The following WWC2 variants were observed in gnomAD, a reference collection of about 807,000 sequenced individuals.
The protein encoded by WWC2 is WW and C2 domain containing 2.
Under a neutral mutation model 138.5 loss-of-function variants are expected in WWC2, and 101 were observed. The ratio of observed to expected loss-of-function variants is 0.73; its 90% CI spans 0.62 to 0.86. The LOEUF (loss-of-function observed/expected upper bound fraction) is 0.86, where lower values mean the gene tolerates loss of function less well. WWC2 is among the 40% of genes least tolerant of loss of function. WWC2 has a pLI of 0.00. For synonymous variants in WWC2, 558 were observed against 538.4 expected (o/e 1.04, Z -0.50); for missense variants, 1,420 against 1,419.4 (o/e 1.00, Z -0.01).
At chr4:183,150,721 G>A (rs985445557) in intron 1 of WWC2, among the ~76,000 whole-genome samples, 2 of 151,758 alleles carry the variant, frequency 1.3e-5, no homozygotes, top group African/African-American at 4.8e-5. Context: ...GATGTTCCCT[G>A]CCCTGTGTCC....
intron 1 of WWC2, among the ~76,000 whole-genome samples, chr4:183,125,139 G>T (rs1421439430): frequency 6.6e-6 from 1 of 152,124 alleles, no homozygotes; most frequent in East Asian, 1.9e-4. Flanking sequence ...TGCCCGCAGT[G>T]CCTCAGGGAT....
At chr4:183,099,806 C>G (rs558274799) in intron 1 of WWC2, among the ~76,000 whole-genome samples, 184 bp downstream of exon 1, 4 of 151,936 alleles carry the variant, frequency 2.6e-5, no homozygotes, top group South Asian at 4.1e-4. Flanking sequence ...CTCCGCCCAC[C>G]GGCTTCCCGA....
intron 21 of WWC2, among the ~76,000 whole-genome samples, chr4:183,307,247 G>A (rs979488733): frequency 2.6e-5 from 4 of 152,180 alleles, no homozygotes; most frequent in African/African-American, 7.2e-5. Context: ...TGGGTCAAAG[G>A]AGAAATCTTA....
intron 4 of WWC2, among the ~76,000 whole-genome samples, chr4:183,216,336 G>A (rs1735753889): frequency 6.6e-6 from 1 of 152,196 alleles, no homozygotes; most frequent in African/African-American, 2.4e-5. Flanking sequence ...ATAAAATTGT[G>A]TGATTCAAGA....
intron 4 of WWC2, among the ~76,000 whole-genome samples, chr4:183,231,482 C>G (rs1440207876): frequency 2.0e-5 from 3 of 151,772 alleles, no homozygotes; most frequent in Non-Finnish European, 4.4e-5. Flanking sequence ...GTTGGCCAGG[C>G]TGATCTTGAA....
chr4:183,209,543 G>A (rs1278024137), intron 4 of WWC2, among the ~76,000 whole-genome samples: 1 of 152,102 alleles, frequency 6.6e-6, no homozygotes, highest in Admixed American at 6.6e-5. Context: ...GGCCTATTGG[G>A]CAGTTTTATT....
chr4:183,242,139 A>G (rs1432414535), intron 5 of WWC2, among the ~76,000 whole-genome samples: 1 of 152,176 alleles, frequency 6.6e-6, no homozygotes, highest in Non-Finnish European at 1.5e-5. Flanking sequence ...GTTTATCTTA[A>G]CTATAGACAA....
chr4:183,320,308 C>G lies in WWC2; in HGVS notation c.*4579C>G, dbSNP rs796505874. 1.6e-5 allele frequency: 19 copies of G among 1,205,046 alleles called. No individual in the cohort carries two copies. In the African/African-American group the frequency reaches 2.3e-4, roughly 15 times the overall value. 74.6% of individuals were successfully genotyped at this position (1,205,046 alleles called of 1,614,324 possible). On this transcript the variant is annotated 3_prime_UTR_variant, in exon 23 of 23. Transcript: ENST00000403733. ...GACACTTGTGTTATAACTTATGAAA[C>G]TCAGAAATATTTCTTCATTGTGTAT... is the stretch of plus-strand genomic sequence containing the variant.
chr4:183,280,243 T>TG (rs1560883824), intron 16 of WWC2, among the ~76,000 whole-genome samples: 2 of 148,238 alleles, frequency 1.3e-5, no homozygotes, highest in African/African-American at 5.0e-5. Context: ...TTTTTTTTTT[T>TG]TTTTTTTTTT....
At chr4:183,230,093 T>C (rs1560855123) in intron 4 of WWC2, among the ~76,000 whole-genome samples, 1 of 152,022 alleles carries the variant, frequency 6.6e-6, no homozygotes, top group African/African-American at 2.4e-5. Flanking sequence ...TCAAATTAAA[T>C]TGGGATTAGA....
At chr4:183,148,641 A>G (rs2111111016) in intron 1 of WWC2, among the ~76,000 whole-genome samples, 1 of 152,274 alleles carries the variant, frequency 6.6e-6, no homozygotes, top group South Asian at 2.1e-4. Flanking sequence ...GCTTCTTTCT[A>G]GATATCTTTG....
chr4:183,240,348 G>A (rs1483261790), intron 5 of WWC2, 86 bp downstream of exon 5: 7 of 1,070,242 alleles, frequency 6.5e-6, no homozygotes, highest in African/African-American at 6.5e-5. Flanking sequence ...GATTACATAA[G>A]CGATTTCTTA....
At chr4:183,125,225 T>A (rs1281487688) in intron 1 of WWC2, among the ~76,000 whole-genome samples, 1 of 152,190 alleles carries the variant, frequency 6.6e-6, no homozygotes, top group Non-Finnish European at 1.5e-5. Flanking sequence ...ACAGGTTCAA[T>A]TTGCAAGTGA....
At position 183,316,370 on chromosome 4, in the gene WWC2, AAATAAG is replaced by A. The variant is rs1337615816; in HGVS notation, c.*652_*657del. ...AACTACCAAGTGCTCTTAAGAATAA[AAATAAG>A]AATAAGAATACAAAGGAGCACTACT... On this transcript the variant is annotated 3_prime_UTR_variant, in exon 23 of 23. Coordinates refer to ENST00000403733, the MANE Select transcript of WWC2 (RefSeq NM_024949.6). 6.6e-6 allele frequency: 1 copy of A among 152,286 alleles called. No individual in the cohort carries two copies. Among genetic ancestry groups the A allele is most frequent in the East Asian group, 1.9e-4 (1 of 5,198 alleles). The allele number at this position is 152,286 out of a possible 1,614,324, so 9.4% of individuals were successfully genotyped here. A position where few individuals can be genotyped will look rare whatever the true frequency, so the allele number is the denominator to read the frequency against.
At chr4:183,112,828 A>AT (rs1156446515) in intron 1 of WWC2, among the ~76,000 whole-genome samples, 1 of 152,180 alleles carries the variant, frequency 6.6e-6, no homozygotes, top group Non-Finnish European at 1.5e-5. Context: ...AGCTATGAGG[A>AT]TAAGAAGGAG....
chr4:183,227,585 A>G (rs1308788667), intron 4 of WWC2, among the ~76,000 whole-genome samples: 1 of 152,134 alleles, frequency 6.6e-6, no homozygotes, highest in Non-Finnish European at 1.5e-5. Context: ...GGAAGATACC[A>G]TGAAAATTAT....
intron 1 of WWC2, among the ~76,000 whole-genome samples, chr4:183,152,698 C>T (rs1389744810): frequency 6.6e-6 from 1 of 151,830 alleles, no homozygotes; most frequent in African/African-American, 2.4e-5. Flanking sequence ...GCCTGGCCAA[C>T]ATGGTGAAAC....
At chr4:183,166,991 G>A (rs1193912766) in intron 1 of WWC2, among the ~76,000 whole-genome samples, 1 of 152,144 alleles carries the variant, frequency 6.6e-6, no homozygotes, top group African/African-American at 2.4e-5. Flanking sequence ...GCACCATGTG[G>A]CTGGGCAATA....
chr4:183,173,884 A>C (rs1560825599), intron 1 of WWC2, among the ~76,000 whole-genome samples: 1 of 152,124 alleles, frequency 6.6e-6, no homozygotes, highest in African/African-American at 2.4e-5. Context: ...ATATTTAAGA[A>C]TGAGGCACAA....
Sources: allele counts gnomAD v4.1 joint callset (sites outside exome capture counted in the v4.1 genomes callset), GRCh38; gene constraint gnomAD v4.1.1; transcripts MANE v1.5; gene names NCBI Gene and HGNC (gene_info 2026-07-23, HGNC 2026-07-21).